DRC3: variants seen among roughly 807,000 people sequenced by gnomAD.
DRC3 encodes leucine rich repeat containing 48.
In DRC3, 45 loss-of-function variants were observed where a neutral mutation model predicts 57.6. That is an observed-to-expected ratio of 0.78 (90% CI 0.62 to 1.00). The LOEUF (loss-of-function observed/expected upper bound fraction) is 1.00, where lower values mean the gene tolerates loss of function less well. DRC3 is among the 50% of genes least tolerant of loss of function. The pLI, the probability that DRC3 is intolerant of heterozygous loss-of-function variation, is 0.00. For missense variants in DRC3, 655 were observed against 675.2 expected (o/e 0.97, Z 0.33); for synonymous variants, 257 against 272.3 (o/e 0.94, Z 0.55).
intron 12 of DRC3, chr17:18,011,370 T>C: frequency 3.1e-6 from 1 of 321,666 alleles, no homozygotes; most frequent in South Asian, 2.5e-5. Flanking sequence ...TCACTCTGGG[T>C]GTTAAGTGCT....
chr17:17,994,927 C>A, intron 7 of DRC3, 72 bp from the exon 8 acceptor site: 1 of 1,009,272 alleles, frequency 9.9e-7, no homozygotes, highest in Non-Finnish European at 1.6e-6. Flanking sequence ...ACCTGCCTTC[C>A]TCATGGGCCT....
chr17:18,014,724 C>T (rs1387427473), intron 12 of DRC3, among the ~76,000 whole-genome samples: 2 of 152,144 alleles, frequency 1.3e-5, no homozygotes, highest in Admixed American at 6.5e-5. Context: ...AGAACCTTTT[C>T]GTGATGGGTT....
At chr17:17,999,459 A>G (rs1366941318) in intron 9 of DRC3, among the ~76,000 whole-genome samples, 1 of 152,128 alleles carries the variant, frequency 6.6e-6, no homozygotes, top group East Asian at 1.9e-4. Flanking sequence ...GGAAGTTCCC[A>G]AGACCCCATA....
intron 4 of DRC3, among the ~76,000 whole-genome samples, chr17:17,986,916 G>A (rs1324867827): frequency 6.6e-6 from 1 of 151,920 alleles, no homozygotes; most frequent in Non-Finnish European, 1.5e-5. Context: ...CTGTAGTGGG[G>A]AAAAAGTACT....
chr17:18,007,949 C>A, intron 12 of DRC3: 1 of 751,026 alleles, frequency 1.3e-6, no homozygotes, highest in Non-Finnish European at 1.6e-6. Flanking sequence ...ATGTGGCAGC[C>A]AGAGGGACCC....
chr17:17,986,805 C>T (rs546523023), intron 4 of DRC3, among the ~76,000 whole-genome samples: 71 of 152,228 alleles, frequency 4.7e-4, no homozygotes, highest in Admixed American at 8.5e-4. Flanking sequence ...GGTTATCATG[C>T]TCATATTTCC....
intron 3 of DRC3, among the ~76,000 whole-genome samples, chr17:17,983,306 G>T (rs1321345288): frequency 6.6e-6 from 1 of 152,226 alleles, no homozygotes; most frequent in Non-Finnish European, 1.5e-5. Flanking sequence ...TAGATTCCAT[G>T]TAGAGAAATT....
At chr17:18,016,268 G>A (rs943509685) in intron 13 of DRC3, 73 bp downstream of exon 13, 4 of 1,488,274 alleles carry the variant, frequency 2.7e-6, no homozygotes, top group African/African-American at 2.8e-5. Flanking sequence ...TCCCTAGGTA[G>A]TGGATAGAAT....
chr17:17,997,639 G>A lies in DRC3; in HGVS notation c.999+5G>A. ...TTCGAGGAGAAGCACTTGTCGGTAG[G>A]CCCCGAGCCTCCTGAGGCCCTCCCT... On this transcript the variant is annotated splice_donor_5th_base_variant and intron_variant, in intron 9 of 13. Coordinates refer to ENST00000399187, the MANE Select transcript of DRC3 (RefSeq NM_031294.4). The A allele has an allele frequency of 1.9e-6, 3 of 1,592,072 alleles. No homozygotes were observed. The highest frequency in any genetic ancestry group is 2.6e-6 in the Non-Finnish European group (3 of 1,170,362).
chr17:17,987,539 C>T (rs1249284401), intron 4 of DRC3, among the ~76,000 whole-genome samples: 2 of 152,188 alleles, frequency 1.3e-5, no homozygotes, highest in East Asian at 3.8e-4. Flanking sequence ...GCAAAGCACA[C>T]AGGAGGTGGT....
At chr17:17,998,060 G>C (rs541698398) in intron 9 of DRC3, among the ~76,000 whole-genome samples, 3 of 152,270 alleles carry the variant, frequency 2.0e-5, no homozygotes, top group African/African-American at 4.8e-5. Flanking sequence ...TAAGAAGCTA[G>C]AGCCACACTG....
In DRC3 at chr17:18,016,870, T is replaced by TA; in HGVS notation, c.*199_*200insA. The stretch of plus-strand genomic sequence containing the variant: ...AGGACTCATTTCACATTTCCCCTAC[T>TA]CATAAAAAAAAAAAAAAAATCAGCT... On this transcript the variant is annotated 3_prime_UTR_variant, in exon 14 of 14. Coordinates refer to ENST00000399187, the MANE Select transcript of DRC3 (RefSeq NM_031294.4). The TA allele has an allele frequency of 2.6e-6, 1 of 385,294 alleles. No individual in the cohort carries two copies. The highest frequency in any genetic ancestry group is 4.4e-6 in the Non-Finnish European group (1 of 225,450). 23.9% of individuals were successfully genotyped at this position (385,294 alleles called of 1,614,324 possible).
Position 17,977,746 on chromosome 17 carries a change from C to A in DRC3, c.148C>A (p.Leu50Met). 1 of 1,604,718 alleles carries A rather than the reference C, an allele frequency of 6.2e-7. No homozygotes were observed. The highest frequency in any genetic ancestry group is 1.1e-5 in the South Asian group (1 of 90,194). ...ILFKDVLSLQ[L>M]DFRNILRIDN... ...CTTCAAGGATGTCCTGTCCCTGCAG[C>A]TGGACTTTCGGAGTATGTATCCAAG... Residue 50 changes from leucine (L) to methionine (M), a missense_variant, in exon 3 of 14, where the codon CTG becomes ATG. Physicochemically the swap from Leu to Met is conservative, Grantham distance 15 (BLOSUM62 2). Transcript: ENST00000399187.
In DRC3 at chr17:18,007,163, T is replaced by TGTCGGGGAAGG. The variant is rs1568536558; in HGVS notation, c.1326+17_1326+18insTCGGGGAAGGG. The TGTCGGGGAAGG allele has an allele frequency of 7.8e-5, 3 of 38,322 alleles. No homozygotes were observed. The highest frequency in any genetic ancestry group is 9.7e-4 in the African/African-American group (1 of 1,028). 2.4% of individuals were successfully genotyped at this position (38,322 alleles called of 1,614,324 possible). A position where few individuals can be genotyped will look rare whatever the true frequency, so the allele number is the denominator to read the frequency against. On this transcript the variant is annotated intron_variant, in intron 12 of 13. Transcript: ENST00000399187. Reference sequence around the variant, plus strand: ...CCTGCGCGCGGTAGGCGGGGCGGGCTGCTCGGAGCCTGACAGATGTGGTCC... The same window carrying TGTCGGGGAAGG: ...CCTGCGCGCGGTAGGCGGGGCGGGCTGTCGGGGAAGGGCTCGGAGCCTGACAGATGTGGTCC...
chr17:17,994,615 C>CT (rs2043380410), intron 7 of DRC3, among the ~76,000 whole-genome samples, 197 bp downstream of exon 7: 1 of 152,228 alleles, frequency 6.6e-6, no homozygotes, highest in South Asian at 2.1e-4. Flanking sequence ...AGTCCAGACC[C>CT]TGACCCTACT....
intron 5 of DRC3, among the ~76,000 whole-genome samples, chr17:17,991,056 C>CA (rs1454878251): frequency 6.6e-6 from 1 of 152,100 alleles, no homozygotes; most frequent in Non-Finnish European, 1.5e-5. Context: ...GTGCTCTTGC[C>CA]ATAAGGGCAG....
chr17:18,004,588 G>T, intron 10 of DRC3, 94 bp downstream of exon 10: 2 of 1,434,610 alleles, frequency 1.4e-6, no homozygotes, highest in South Asian at 1.3e-5. Flanking sequence ...GCCTCTGCTG[G>T]AAACGTCCAG....
At chr17:17,991,284 CTTT>C (rs751138192) in intron 5 of DRC3, among the ~76,000 whole-genome samples, 2 of 73,982 alleles carry the variant, frequency 2.7e-5, no homozygotes, top group African/African-American at 1.1e-4. Context: ...TGAAGTATTG[CTTT>C]TTTTTTTTTT....
chr17:18,010,268 C>T (rs567597692), intron 12 of DRC3, among the ~76,000 whole-genome samples: 57 of 152,264 alleles, frequency 3.7e-4, no homozygotes, highest in Admixed American at 2.0e-3. Flanking sequence ...GTCAGGTGCC[C>T]TTTGTGGGTA....
Sources: allele counts gnomAD v4.1 joint callset (sites outside exome capture counted in the v4.1 genomes callset), GRCh38; gene constraint gnomAD v4.1.1; transcripts MANE v1.5; gene names NCBI Gene and HGNC (gene_info 2026-07-23, HGNC 2026-07-21).